Variants in DIS3L observed in about 807,000 individuals in gnomAD.
DIS3L encodes DIS3-like exonuclease 1.
In DIS3L, 100 loss-of-function variants were observed where a neutral mutation model predicts 120.3. The ratio of observed to expected loss-of-function variants is 0.83; its 90% CI spans 0.71 to 0.98. The LOEUF is 0.98. Among genes scored for constraint, DIS3L ranks in the 50% least tolerant of loss-of-function variants. The pLI is 0.00. For missense variants in DIS3L, 1,196 were observed against 1,314.2 expected (o/e 0.91, Z 1.39); for synonymous variants, 426 against 470.6 (o/e 0.91, Z 1.23).
chr15:66,329,101 CGGA>C lies in DIS3L; in HGVS notation c.2341_2343del (p.Glu781del), dbSNP rs758987809. On this transcript the variant is annotated inframe_deletion, in exon 13 of 17. Transcript: ENST00000319212. ...CTGTACTTCTCCACCGGATCCTGTG[CGGA>C]GGAGGAGTTCCATCATTACGGTGAA... 4 of 1,612,964 alleles carry C rather than the reference CGGA, an allele frequency of 2.5e-6. No homozygotes were observed. In the East Asian group the frequency reaches 6.7e-5, roughly 27 times the overall value.
At position 66,333,050 on chromosome 15, in the gene DIS3L, G is replaced by A; in HGVS notation, c.2903G>A (p.Arg968Lys). 1.2e-6 allele frequency: 2 copies of A among 1,613,330 alleles called. No homozygotes were observed. The highest frequency in any genetic ancestry group is 1.7e-6 in the Non-Finnish European group (2 of 1,179,980). Residue 968 changes from arginine (R) to lysine (K), a missense_variant, in exon 17 of 17, where the codon AGA becomes AAA. Transcript: ENST00000319212. ...TCACGTTGCCATTCTGATACAATCA[G>A]ACTTGAAATAATTAGTAACAAACCA... Reference protein sequence around the residue: ...QASRCHSDTIRLEIISNKPYK... With the variant: ...QASRCHSDTIKLEIISNKPYK...
intron 9 of DIS3L, among the ~76,000 whole-genome samples, chr15:66,321,499 C>CATGCCTGT (rs1394051491): frequency 6.6e-6 from 1 of 152,124 alleles, no homozygotes; most frequent in Non-Finnish European, 1.5e-5. Context: ...CGTGGTGGCT[C>CATGCCTGT]ATGCCTGTAA....
chr15:66,332,485 A>AGTGTGTGTGTGTGTGT (rs778480622), intron 15 of DIS3L, among the ~76,000 whole-genome samples: 13 of 109,784 alleles, frequency 1.2e-4, no homozygotes, highest in African/African-American at 2.2e-4. Flanking sequence ...TGAAGACTGG[A>AGTGTGTGTGTGTGTGT]GTGTGTGTGT....
At position 66,323,513 on chromosome 15, in the gene DIS3L, C is replaced by T. The variant is rs775662133; in HGVS notation, c.1595C>T (p.Ala532Val). 1 of 1,614,260 alleles carries T rather than the reference C, an allele frequency of 6.2e-7. No homozygotes were observed. Among genetic ancestry groups the T allele is most frequent in the Non-Finnish European group, 8.5e-7 (1 of 1,180,048 alleles). ...CACAGGGCCACCACTTATTATCTAG[C>T]AGATCGTCGCTATGACATGCTGCCT... ...ARTRATTYYL[A>V]DRRYDMLPSV... Residue 532 changes from alanine to valine, a missense_variant, in exon 11 of 17, where the codon GCA (alanine) becomes GTA (valine). Ala to Val is a moderately conservative substitution (Grantham distance 64, BLOSUM62 0). Coordinates refer to ENST00000319212, the MANE Select transcript of DIS3L (RefSeq NM_001143688.3).
Position 66,322,755 on chromosome 15 carries a change from T to G in DIS3L, c.1395T>G (p.Arg465=), listed in dbSNP as rs1339341395. The change falls in exon 10 of 17, where the codon CGT becomes CGG. Residue 465 remains arginine, a synonymous_variant. Transcript: ENST00000319212. ...WKVSPEEEQK[R]KDLRKSHLVF... ...TGAGTCCTGAAGAGGAACAAAAACG[T>G]AAAGACTTGAGGAAAAGCCATCTCG... is the stretch of plus-strand genomic sequence containing the variant. 2 of 1,614,134 alleles carry G rather than the reference T, an allele frequency of 1.2e-6. No homozygotes were observed. The highest frequency in any genetic ancestry group is 2.2e-5 in the South Asian group (2 of 91,082).
Position 66,329,090 on chromosome 15 carries a change from C to T in DIS3L, c.2322C>T (p.Thr774=), listed in dbSNP as rs778194096. 21 of 1,613,868 alleles carry T rather than the reference C, an allele frequency of 1.3e-5. No individual in the cohort carries two copies. In the Middle Eastern group the frequency reaches 1.2e-3, roughly 88 times the overall value. ...QAMSNALYFS[T]GSCAEEEFHH... ...TGTCGAATGCTCTGTACTTCTCCAC[C>T]GGATCCTGTGCGGAGGAGGAGTTCC... Residue 774 remains threonine, a synonymous_variant, in exon 13 of 17, where the codon ACC becomes ACT. Coordinates refer to ENST00000319212, the MANE Select transcript of DIS3L (RefSeq NM_001143688.3).
chr15:66,316,005 T>G (rs372438878), intron 7 of DIS3L, among the ~76,000 whole-genome samples: 7 of 152,284 alleles, frequency 4.6e-5, no homozygotes, highest in Admixed American at 2.0e-4. Flanking sequence ...TGTCCTCTTG[T>G]ATGTGCAAGG....
At position 66,331,014 on chromosome 15, in the gene DIS3L, G is replaced by C. The variant is rs151312095; in HGVS notation, c.2536-861G>C. Among the ~76,000 whole-genome samples, 19 of 152,178 alleles carry C rather than the reference G, an allele frequency of 1.2e-4. No homozygotes were observed. The East Asian group carries it at 2.5e-3, about 20-fold the overall frequency. The stretch of plus-strand genomic sequence containing the variant: ...TACTAAAAATACAAAAATTAGCCAG[G>C]CATGGTGGTGCATGCCTGTAATCCC... On this transcript the variant is annotated intron_variant, in intron 14 of 16. Coordinates refer to ENST00000319212, the MANE Select transcript of DIS3L (RefSeq NM_001143688.3).
At chr15:66,311,671 G>T (rs1261235127) in intron 4 of DIS3L, 53 bp from the exon 5 acceptor site, 2 of 1,602,028 alleles carry the variant, frequency 1.2e-6, no homozygotes, top group Non-Finnish European at 1.7e-6. Flanking sequence ...TAGTACCATG[G>T]TGAAGAATCA....
chr15:66,322,755 TAA>T lies in DIS3L; in HGVS notation c.1397_1398del (p.Lys466ArgfsTer12). On this transcript the variant is annotated frameshift_variant, in exon 10 of 17. Transcript: ENST00000319212. LOFTEE classifies it high-confidence loss of function. ...KVSPEEEQKRKDLRKSHLVFS... is the reference protein window; with the variant it reads ...KVSPEEEQKRXDLRKSHLVFS... ...TGAGTCCTGAAGAGGAACAAAAACG[TAA>T]AGACTTGAGGAAAAGCCATCTCGTA... 1 of 1,614,134 alleles carries T rather than the reference TAA, an allele frequency of 6.2e-7. No individual in the cohort carries two copies. Among genetic ancestry groups the T allele is most frequent in the South Asian group, 1.1e-5 (1 of 91,082 alleles).
intron 14 of DIS3L, 34 bp downstream of exon 14, chr15:66,329,433 A>G: frequency 6.3e-7 from 1 of 1,578,144 alleles, no homozygotes. Flanking sequence ...CTTACCTGTC[A>G]TCTCTTGCTA....
chr15:66,325,719 C>G, intron 11 of DIS3L, 112 bp from the exon 12 acceptor site: 2 of 1,227,864 alleles, frequency 1.6e-6, no homozygotes, highest in Non-Finnish European at 2.3e-6. Context: ...AGTGATCATG[C>G]CATTGCACTC....
intron 14 of DIS3L, chr15:66,330,265 C>G (rs1230705934): frequency 1.0e-6 from 1 of 983,248 alleles, no homozygotes; most frequent in East Asian, 1.1e-4. Flanking sequence ...CCACTGCACT[C>G]TGGCCTGGGT....
chr15:66,300,682 G>A (rs2092638493), intron 2 of DIS3L, among the ~76,000 whole-genome samples: 1 of 152,166 alleles, frequency 6.6e-6, no homozygotes, highest in Admixed American at 6.5e-5. Context: ...AGATGGCGGG[G>A]AAGGTAGGGT....
intron 2 of DIS3L, among the ~76,000 whole-genome samples, chr15:66,303,326 G>A (rs926160700): frequency 3.3e-5 from 5 of 152,132 alleles, no homozygotes; most frequent in Admixed American, 1.3e-4. Context: ...TGGGATTACT[G>A]GATCGTATGG....
Position 66,308,711 on chromosome 15 carries a change from G to A in DIS3L, c.425G>A (p.Ser142Asn). The A allele has an allele frequency of 6.2e-7, 1 of 1,608,880 alleles. No individual in the cohort carries two copies. The highest frequency in any genetic ancestry group is 8.5e-7 in the Non-Finnish European group (1 of 1,176,480). ...TCATGTGCCCTTTGCTTTTCCAGGA[G>A]CATATACAACGCAGCTGTTTGGTAC... ...GESMEKWQTR[S>N]IYNAAVWYYH... The change falls in exon 4 of 17, where the codon AGC (serine) becomes AAC (asparagine). Residue 142 changes from serine to asparagine, a missense_variant and splice_region_variant. Transcript: ENST00000319212.
At chr15:66,295,383 T>G (rs895467366) in intron 2 of DIS3L, among the ~76,000 whole-genome samples, 1 of 152,228 alleles carries the variant, frequency 6.6e-6, no homozygotes, top group African/African-American at 2.4e-5. Context: ...ATGTGGGTAT[T>G]TAAGATTCTA....
Position 66,333,349 on chromosome 15 carries a change from T to C in DIS3L, c.*37T>C. On this transcript the variant is annotated 3_prime_UTR_variant, in exon 17 of 17. Transcript: ENST00000319212. ...TTCACTAAGAGCTGTCATATGTGAA[T>C]GTTTTACAGTCTTTTCAAACTTAAC... is the stretch of plus-strand genomic sequence containing the variant. 1 of 1,548,230 alleles carries C rather than the reference T, an allele frequency of 6.5e-7. No individual in the cohort carries two copies. The highest frequency in any genetic ancestry group is 2.2e-5 in the East Asian group (1 of 44,496).
chr15:66,323,506 T>C lies in DIS3L; in HGVS notation c.1588T>C (p.Tyr530His), dbSNP rs1479952654. ...TGTCATTCACAGGGCCACCACTTAT[T>C]ATCTAGCAGATCGTCGCTATGACAT... ...IEARTRATTY[Y>H]LADRRYDMLP... Residue 530 changes from tyrosine (Y) to histidine (H), a missense_variant, in exon 11 of 17, where the codon TAT becomes CAT. Tyr to His is a moderately conservative substitution (Grantham distance 83). Coordinates refer to ENST00000319212, the MANE Select transcript of DIS3L (RefSeq NM_001143688.3). The C allele has an allele frequency of 6.2e-7, 1 of 1,614,250 alleles. No homozygotes were observed. The highest frequency in any genetic ancestry group is 8.5e-7 in the Non-Finnish European group (1 of 1,180,048).
Sources: allele counts gnomAD v4.1 joint callset (sites outside exome capture counted in the v4.1 genomes callset), GRCh38; gene constraint gnomAD v4.1.1; transcripts MANE v1.5; gene names NCBI Gene and HGNC (gene_info 2026-07-23, HGNC 2026-07-21).